Variants in CHKA observed in about 807,000 individuals in gnomAD.
CHKA encodes the protein choline kinase alpha.
Under a neutral mutation model 60.1 loss-of-function variants are expected in CHKA, and 34 were observed. That is an observed-to-expected ratio of 0.57 (90% CI 0.43 to 0.75). The LOEUF is 0.75. CHKA is among the 30% of genes least tolerant of loss of function. CHKA has a pLI of 0.00. For missense variants in CHKA, 563 were observed against 561.3 expected, an observed-to-expected ratio of 1.00 and a Z score of -0.03; for synonymous variants, 217 against 223.1, an observed-to-expected ratio of 0.97 and a Z score of 0.24.
At chr11:68,059,778 T>A (rs890806709) in intron 11 of CHKA, among the ~76,000 whole-genome samples, 1 of 152,226 alleles carries the variant, frequency 6.6e-6, no homozygotes, top group Non-Finnish European at 1.5e-5. Context: ...TTTGAATTTA[T>A]CAAGACCTGT....
chr11:68,095,715 A>G (rs1490405635), intron 2 of CHKA, among the ~76,000 whole-genome samples: 4 of 139,452 alleles, frequency 2.9e-5, no homozygotes, highest in African/African-American at 1.1e-4. Flanking sequence ...TCGCAAAAAA[A>G]AAAAAAAAAA....
rs1379488010 is a variant in CHKA at position 68,053,943 on chromosome 11, T to G, written c.*45A>C. ...ACAGAGGGGACCCCGCTCTGCTGCC[T>G]CCCCATGCAGTCCAGTGATGAGGTG... On this transcript the variant is annotated 3_prime_UTR_variant, in exon 12 of 12. Coordinates refer to ENST00000265689, the MANE Select transcript of CHKA (RefSeq NM_001277.3). 1.9e-6 allele frequency: 3 copies of G among 1,572,646 alleles called. No homozygotes were observed. Among genetic ancestry groups the G allele is most frequent in the Admixed American group, 1.7e-5 (1 of 59,320 alleles).
chr11:68,105,402 C>A (rs1857874888), intron 1 of CHKA, among the ~76,000 whole-genome samples: 1 of 148,410 alleles, frequency 6.7e-6, no homozygotes, highest in African/African-American at 2.5e-5. Flanking sequence ...ATAGTCCCAA[C>A]TACTCAGGAG....
intron 7 of CHKA, among the ~76,000 whole-genome samples, chr11:68,068,560 G>A (rs965376573): frequency 3.9e-5 from 6 of 152,036 alleles, no homozygotes; most frequent in African/African-American, 1.5e-4. Context: ...TGGGACTACA[G>A]GTGCACACTA....
At chr11:68,054,345 T>C (rs1855922188) in intron 11 of CHKA, among the ~76,000 whole-genome samples, 1 of 152,212 alleles carries the variant, frequency 6.6e-6, no homozygotes, top group African/African-American at 2.4e-5. Flanking sequence ...TTAGCACTGC[T>C]ACCATTCATC....
chr11:68,112,779 C>T (rs1181426813), intron 1 of CHKA, among the ~76,000 whole-genome samples: 4 of 152,026 alleles, frequency 2.6e-5, no homozygotes, highest in Non-Finnish European at 5.9e-5. Flanking sequence ...AAACACTTTC[C>T]CACTCAAGAA....
intron 1 of CHKA, among the ~76,000 whole-genome samples, chr11:68,098,936 C>T (rs146396298): frequency 1.2e-4 from 18 of 152,276 alleles, no homozygotes; most frequent in African/African-American, 3.4e-4. Flanking sequence ...CCACCCATCT[C>T]GGCCTCCCAA....
chr11:68,118,501 G>C (rs990595432), intron 1 of CHKA, among the ~76,000 whole-genome samples: 2 of 152,174 alleles, frequency 1.3e-5, no homozygotes, highest in Non-Finnish European at 2.9e-5. Flanking sequence ...GATAGCTGGA[G>C]CCATAATAAC....
chr11:68,054,328 C>T (rs1450908697), intron 11 of CHKA, among the ~76,000 whole-genome samples: 1 of 152,230 alleles, frequency 6.6e-6, no homozygotes, highest in Admixed American at 6.5e-5. Flanking sequence ...ACGTCTCATC[C>T]ACATGCTTAG....
chr11:68,104,346 G>C (rs865926930), intron 1 of CHKA, among the ~76,000 whole-genome samples: 10 of 152,064 alleles, frequency 6.6e-5, no homozygotes, highest in Non-Finnish European at 1.5e-4. Context: ...ACAGGGAGAG[G>C]TTGGCCAACT....
intron 3 of CHKA, among the ~76,000 whole-genome samples, chr11:68,076,829 C>G (rs1419895896): frequency 6.6e-6 from 1 of 152,194 alleles, no homozygotes; most frequent in Non-Finnish European, 1.5e-5. Context: ...CTCTTTAGCA[C>G]TGCCCTAAAC....
At chr11:68,062,582 GC>G (rs1856289681) in intron 10 of CHKA, among the ~76,000 whole-genome samples, 1 of 152,170 alleles carries the variant, frequency 6.6e-6, no homozygotes, top group African/African-American at 2.4e-5. Flanking sequence ...GCTGTACCAA[GC>G]CCCCAAGTCA....
intron 1 of CHKA, among the ~76,000 whole-genome samples, chr11:68,102,767 G>A (rs1156514042): frequency 1.3e-5 from 2 of 152,096 alleles, no homozygotes; most frequent in Admixed American, 6.6e-5. Flanking sequence ...ACAACCTACA[G>A]AATGGAAGAA....
At chr11:68,054,715 C>T (rs573181837) in intron 11 of CHKA, among the ~76,000 whole-genome samples, 16 of 152,278 alleles carry the variant, frequency 1.1e-4, no homozygotes, top group African/African-American at 3.8e-4. Flanking sequence ...CAAGCATGAG[C>T]CCATTTTAAG....
At chr11:68,110,416 G>C (rs1858088859) in intron 1 of CHKA, among the ~76,000 whole-genome samples, 1 of 152,104 alleles carries the variant, frequency 6.6e-6, no homozygotes, top group African/African-American at 2.4e-5. Flanking sequence ...AAGATACAAG[G>C]TTAATACATA....
rs773811260 is a variant in CHKA, at chr11:68,074,724, A to T, written c.623T>A (p.Phe208Tyr). The change falls in exon 4 of 12, where the codon TTC becomes TAC. Residue 208 changes from phenylalanine (F) to tyrosine (Y), a missense_variant. Phe to Tyr is a conservative substitution (Grantham distance 22). Transcript: ENST00000265689. ...TTTATGAACAAATCTTACCGGGATG[A>T]ACTGCTCCAGTCGGCCTTGGGGAAA... is the stretch of plus-strand genomic sequence containing the variant. ...GIFPQGRLEQ[F>Y]IPSRRLDTEE... The T allele has an allele frequency of 2.5e-6, 4 of 1,614,204 alleles. No homozygotes were observed. The highest frequency in any genetic ancestry group is 3.4e-6 in the Non-Finnish European group (4 of 1,179,998).
At chr11:68,099,867 G>A (rs1857646186) in intron 1 of CHKA, among the ~76,000 whole-genome samples, 2 of 152,224 alleles carry the variant, frequency 1.3e-5, no homozygotes, top group South Asian at 4.1e-4. Flanking sequence ...CCCCCGTACT[G>A]CTAAAGAAGG....
intron 1 of CHKA, among the ~76,000 whole-genome samples, chr11:68,114,297 A>C (rs1398352904): frequency 6.6e-6 from 1 of 152,254 alleles, no homozygotes; most frequent in Non-Finnish European, 1.5e-5. Context: ...AAAACCGTGA[A>C]GTAACCCAGA....
At chr11:68,088,983 C>T (rs541524251) in intron 2 of CHKA, among the ~76,000 whole-genome samples, 1 of 152,308 alleles carries the variant, frequency 6.6e-6, no homozygotes, top group African/African-American at 2.4e-5. Flanking sequence ...TAAGTGATTT[C>T]TAACATTTTA....
Sources: gnomAD v4.1 joint callset for allele counts (sites outside exome capture counted in the v4.1 genomes callset) on GRCh38, gnomAD v4.1.1 for gene constraint, MANE v1.5 for transcripts, NCBI Gene and HGNC (gene_info 2026-07-23, HGNC 2026-07-21) for gene names.